TNFRSF4: variants seen among roughly 807,000 people sequenced by gnomAD.
TNFRSF4 encodes the protein TNF receptor superfamily member 4.
In TNFRSF4, 21 loss-of-function variants were observed where a neutral mutation model predicts 29.5. That is an observed-to-expected ratio of 0.71 (90% CI 0.51 to 1.03). The LOEUF (loss-of-function observed/expected upper bound fraction) is 1.03. Ranked by LOEUF, TNFRSF4 falls within the 50% of genes least tolerant of loss-of-function variation. The probability of loss-of-function intolerance (pLI) is 0.00; values close to 1 mark genes in which losing one functional copy is unlikely to be tolerated. For missense variants in TNFRSF4, 408 were observed against 387.8 expected, an observed-to-expected ratio of 1.05 and a Z score of -0.44; for synonymous variants, 197 against 172.7, an observed-to-expected ratio of 1.14 and a Z score of -1.10.
At chr1:1,213,882 A>ACCCCCCCCCC in intron 1 of TNFRSF4, 97 bp from the exon 2 acceptor site, 2 of 1,265,958 alleles carry the variant, frequency 1.6e-6, no homozygotes, top group Non-Finnish European at 2.1e-6. Context: ...CCGGCCCCTC[A>ACCCCCCCCCC]CCCGCCCCCT....
In TNFRSF4 at chr1:1,213,701, C is replaced by T. The variant is rs748063759; in HGVS notation, c.230G>A (p.Ser77Asn). 19 of 1,597,316 alleles carry T rather than the reference C, an allele frequency of 1.2e-5. No homozygotes were observed. The South Asian group carries it at 2.0e-4, about 17-fold the overall frequency. The change falls in exon 2 of 7, where the codon AGC becomes AAC. Residue 77 changes from serine (S) to asparagine (N), a missense_variant. By Grantham distance (46) the Ser-to-Asn change is conservative. Transcript: ENST00000379236. ...CGPGFYNDVV[S>N]SKPCKPCTWC... ...CGTGCAGGGCTTGCACGGCTTGGAG[C>T]TGACCACGTCGTTGTAGAAGCCCGG... is the stretch of plus-strand genomic sequence containing the variant.
intron 2 of TNFRSF4, 84 bp from the exon 3 acceptor site, chr1:1,213,177 G>C (rs1379445339): frequency 1.3e-6 from 2 of 1,539,788 alleles, no homozygotes; most frequent in African/African-American, 2.7e-5. Flanking sequence ...AGGACAGGTT[G>C]GCCTCCCCAC....
chr1:1,212,731 G>A, intron 3 of TNFRSF4, 27 bp from the exon 4 acceptor site: 1 of 1,525,038 alleles, frequency 6.6e-7, no homozygotes, highest in Non-Finnish European at 8.8e-7. Context: ...GTGGTCAGGG[G>A]CTGCCCACAG....
chr1:1,212,598 C>T lies in TNFRSF4; in HGVS notation c.437+40G>A, dbSNP rs959920454. On this transcript the variant is annotated intron_variant, in intron 4 of 6. Transcript: ENST00000379236. ...CCTCCGCCCTCCTAACCACCCCAAC[C>T]CCCCCCCAGCCCCTCCCAGCCCCTG... The T allele has an allele frequency of 6.2e-6, 8 of 1,297,076 alleles. 2 individuals carry two copies. The highest frequency in any genetic ancestry group is 7.3e-6 in the Non-Finnish European group (7 of 958,090). The allele number at this position is 1,297,076 out of a possible 1,614,324, so 80.3% of individuals were successfully genotyped here. A position where few individuals can be genotyped will look rare whatever the true frequency, so the allele number is the denominator to read the frequency against.
chr1:1,212,945 A>G (rs1441210135), intron 3 of TNFRSF4, 47 bp downstream of exon 3: 8 of 1,538,088 alleles, frequency 5.2e-6, no homozygotes, highest in Non-Finnish European at 7.0e-6. Flanking sequence ...CGTCACAGAC[A>G]GCCGCTATGC....
rs755819916 is a variant in TNFRSF4, at chr1:1,211,437, G to A, written c.*118C>T. 23 of 1,026,096 alleles carry A rather than the reference G, an allele frequency of 2.2e-5. No individual in the cohort carries two copies. Among genetic ancestry groups the A allele is most frequent in the African/African-American group, 5.1e-5 (3 of 59,282 alleles). 63.6% of individuals were successfully genotyped at this position (1,026,096 alleles called of 1,614,324 possible). ...GGAGGCAGCCATCGGCACCTAGAAC[G>A]GTGCAGAGTTGGCCCAGGAGCGTGG... On this transcript the variant is annotated 3_prime_UTR_variant, in exon 7 of 7. Transcript: ENST00000379236.
Position 1,213,042 on chromosome 1 carries a change from C to T in TNFRSF4, c.320G>A (p.Cys107Tyr), listed in dbSNP as rs1486595167. Reference sequence around the variant, plus strand: ...GGGCTGGGTGCCCGCCCGGCAGCGGCAGACTGTGTCCTGTGTGGCCGTGCA... The same window carrying T: ...GGGCTGGGTGCCCGCCCGGCAGCGGTAGACTGTGTCCTGTGTGGCCGTGCA... ...QLCTATQDTV[C>Y]RCRAGTQPLD... Residue 107 changes from cysteine to tyrosine, a missense_variant, in exon 3 of 7, where the codon TGC becomes TAC. Physicochemically the swap from Cys to Tyr is radical, Grantham distance 194. Coordinates refer to ENST00000379236, the MANE Select transcript of TNFRSF4 (RefSeq NM_003327.4). The T allele has an allele frequency of 6.2e-7, 1 of 1,611,556 alleles. No homozygotes were observed. The highest frequency in any genetic ancestry group is 8.5e-7 in the Non-Finnish European group (1 of 1,179,556).
intron 4 of TNFRSF4, 110 bp downstream of exon 4, chr1:1,212,527 TG>T: frequency 2.1e-5 from 4 of 191,224 alleles, no homozygotes; most frequent in East Asian, 2.0e-4. Context: ...CCCCCAAAAC[TG>T]CCCCCACCCC....
At position 1,211,621 on chromosome 1, in the gene TNFRSF4, TC is replaced by T; in HGVS notation, c.767del (p.Gly256GlufsTer?). The stretch of plus-strand genomic sequence containing the variant: ...CTTGGATGGGGGTCCGGAAACTGCC[TC>T]CCCCTGGGGAGGAAAAAAGGAGAGA... ...LPPDAHKPPG[G>X]GSFRTPIQEE... On this transcript the variant is annotated frameshift_variant, in exon 7 of 7. Transcript: ENST00000379236. LOFTEE classifies it high-confidence loss of function. 6.5e-7 allele frequency: 1 copy of T among 1,538,786 alleles called. No homozygotes were observed. The highest frequency in any genetic ancestry group is 2.1e-5 in the Admixed American group (1 of 47,134).
intron 3 of TNFRSF4, 142 bp downstream of exon 3, chr1:1,212,850 G>T (rs886166221): frequency 8.1e-7 from 1 of 1,228,870 alleles, no homozygotes; most frequent in Non-Finnish European, 1.1e-6. Flanking sequence ...CATCCCACCC[G>T]TGGGCCCTGA....
At chr1:1,212,728 G>A in intron 3 of TNFRSF4, 24 bp from the exon 4 acceptor site, 1 of 1,531,188 alleles carries the variant, frequency 6.5e-7, no homozygotes, top group Non-Finnish European at 8.8e-7. Context: ...AGGGTGGTCA[G>A]GGGCTGCCCA....
At chr1:1,212,840 C>T in intron 3 of TNFRSF4, 136 bp from the exon 4 acceptor site, 7 of 1,216,774 alleles carry the variant, frequency 5.8e-6, no homozygotes, top group Non-Finnish European at 7.9e-6. Flanking sequence ...TCCCTGCCCA[C>T]ATCCCACCCG....
Position 1,214,027 on chromosome 1 carries a change from TC to T in TNFRSF4, c.100del (p.Asp34ThrfsTer20). ...STVTGLHCVG[D>X]TYPSNDRCCH... is the part of the protein sequence containing the mutation. ...GCACCGGTCGTTGCTGGGGTAGGTG[TC>T]CCCGACACAGTGGAGCCCCGTCACG... On this transcript the variant is annotated frameshift_variant, in exon 1 of 7. Transcript: ENST00000379236. LOFTEE classifies it high-confidence loss of function. This position sits in a 1 kb window ranked among gnomAD's most constrained non-coding sequence, Gnocchi z 4.2. The T allele has an allele frequency of 6.2e-7, 1 of 1,604,414 alleles. No homozygotes were observed.
rs555467061 is a variant in TNFRSF4, at chr1:1,213,724, C to A, written c.207G>T (p.Pro69=). The A allele has an allele frequency of 6.2e-7, 1 of 1,600,662 alleles. No homozygotes were observed. The highest frequency in any genetic ancestry group is 8.5e-7 in the Non-Finnish European group (1 of 1,174,874). The part of the protein sequence containing the change: ...SQNTVCRPCG[P]GFYNDVVSSK... ...AGCTGACCACGTCGTTGTAGAAGCC[C>A]GGCCCGCACGGACGGCACACCGTGT... The change falls in exon 2 of 7, where the codon CCG becomes CCT. Residue 69 remains proline, a synonymous_variant. Transcript: ENST00000379236.
rs768010168 is a variant in TNFRSF4 at position 1,212,087 on chromosome 1, G to C, written c.489C>G (p.Asp163Glu). The C allele has an allele frequency of 2.5e-6, 4 of 1,612,576 alleles. No individual in the cohort carries two copies. The highest frequency in any genetic ancestry group is 3.4e-6 in the Non-Finnish European group (4 of 1,179,738). ...GGGGGTCCCTGTCCTCACAGATTGC[G>C]TCCGAGCTATTGCTGGCCGGCTGCA... ...HTLQPASNSS[D>E]AICEDRDPPA... Residue 163 changes from aspartate to glutamate, a missense_variant, in exon 5 of 7, where the codon GAC becomes GAG. Asp to Glu is a conservative substitution (Grantham distance 45). Coordinates refer to ENST00000379236, the MANE Select transcript of TNFRSF4 (RefSeq NM_003327.4).
At position 1,211,807 on chromosome 1, in the gene TNFRSF4, G is replaced by A; in HGVS notation, c.660C>T (p.Gly220=). 1 of 1,553,966 alleles carries A rather than the reference G, an allele frequency of 6.4e-7. No individual in the cohort carries two copies. The highest frequency in any genetic ancestry group is 8.7e-7 in the Non-Finnish European group (1 of 1,153,170). The change falls in exon 6 of 7, where the codon GGC becomes GGT. Residue 220 remains glycine, a synonymous_variant. Coordinates refer to ENST00000379236, the MANE Select transcript of TNFRSF4 (RefSeq NM_003327.4). ...PGGRAVAAIL[G]LGLVLGLLGP... ...CCAGCAGCCCCAGCACCAGGCCCAG[G>A]CCCAGGATGGCGGCAACCGCACGGC...
Position 1,213,663 on chromosome 1 carries a change from T to C in TNFRSF4, c.268A>G (p.Arg90Gly). 1 of 1,588,290 alleles carries C rather than the reference T, an allele frequency of 6.3e-7. No homozygotes were observed. The highest frequency in any genetic ancestry group is 1.1e-5 in the South Asian group (1 of 87,400). ...GCTGTGGGGCCAGGTGGGAGCTCAC[T>C]GAGGTTACACCACGTGCAGGGCTTG... ...PCKPCTWCNL[R>G]SGSERKQLCT... is the part of the protein sequence containing the mutation. The change falls in exon 2 of 7, where the codon AGA becomes GGA. Residue 90 changes from arginine to glycine, a missense_variant and splice_region_variant. Transcript: ENST00000379236.
In TNFRSF4 at chr1:1,211,810, C is replaced by A; in HGVS notation, c.657G>T (p.Leu219=). The A allele has an allele frequency of 6.4e-7, 1 of 1,554,258 alleles. No individual in the cohort carries two copies. The highest frequency in any genetic ancestry group is 2.4e-5 in the East Asian group (1 of 41,800). ...GCAGCCCCAGCACCAGGCCCAGGCC[C>A]AGGATGGCGGCAACCGCACGGCCTG... is the stretch of plus-strand genomic sequence containing the variant. ...VPGGRAVAAI[L]GLGLVLGLLG... Residue 219 remains leucine, a synonymous_variant, in exon 6 of 7, where the codon CTG becomes CTT. Transcript: ENST00000379236.
Position 1,211,370 on chromosome 1 carries a change from C to A in TNFRSF4, c.*185G>T. 1 of 503,994 alleles carries A rather than the reference C, an allele frequency of 2.0e-6. No individual in the cohort carries two copies. Among genetic ancestry groups the A allele is most frequent in the Non-Finnish European group, 3.3e-6 (1 of 301,676 alleles). The allele number at this position is 503,994 out of a possible 1,614,324, so 31.2% of individuals were successfully genotyped here. On this transcript the variant is annotated 3_prime_UTR_variant, in exon 7 of 7. Coordinates refer to ENST00000379236, the MANE Select transcript of TNFRSF4 (RefSeq NM_003327.4). ...TCTGCCAAGGTTTTTATTGTGGTCCCGCGGGGCAGGAGGTATGCATGGCAT... is the reference window on the plus strand; with the variant it reads ...TCTGCCAAGGTTTTTATTGTGGTCCAGCGGGGCAGGAGGTATGCATGGCAT...
Sources: allele counts gnomAD v4.1 joint callset, GRCh38; gene constraint gnomAD v4.1.1; non-coding constraint Gnocchi (gnomAD v3.1); transcripts MANE v1.5; gene names NCBI Gene and HGNC (gene_info 2026-07-23, HGNC 2026-07-21).